INO80: variants seen among roughly 807,000 people sequenced by gnomAD.
The protein encoded by INO80 is INO80 complex ATPase subunit, also known as chromatin-remodeling ATPase INO80.
INO80 carries 20 observed loss-of-function variants against 203.4 expected under a neutral mutation model. The ratio of observed to expected loss-of-function variants is 0.10; its 90% CI spans 0.07 to 0.14. The LOEUF is 0.14. Among genes scored for constraint, INO80 ranks in the 10% least tolerant of loss-of-function variants. The pLI is 1.00. For missense variants in INO80, 1,419 were observed against 1,914.4 expected, an observed-to-expected ratio of 0.74 and a Z score of 4.83; for synonymous variants, 726 against 685.2, an observed-to-expected ratio of 1.06 and a Z score of -0.93.
intron 7 of INO80, among the ~76,000 whole-genome samples, chr15:41,083,998 G>A (rs768865574): frequency 3.9e-5 from 6 of 151,938 alleles, no homozygotes; most frequent in Non-Finnish European, 8.8e-5. Flanking sequence ...CCTACATTCT[G>A]ACTTCATCAC....
intron 24 of INO80, among the ~76,000 whole-genome samples, chr15:41,042,015 A>ATTT (rs59485772): frequency 1.5e-5 from 2 of 133,934 alleles, no homozygotes; most frequent in African/African-American, 2.8e-5. Flanking sequence ...TTAATTTTTA[A>ATTT]TTTTTTTTTT....
At chr15:40,982,758 A>C in intron 35 of INO80, 104 bp downstream of exon 35, 1 of 934,136 alleles carries the variant, frequency 1.1e-6, no homozygotes, top group Non-Finnish European at 1.6e-6. Flanking sequence ...CTCTAGGAAG[A>C]AAGCTCCCGG....
chr15:40,982,052 T>G (rs1013077908), intron 35 of INO80, among the ~76,000 whole-genome samples: 2 of 152,224 alleles, frequency 1.3e-5, no homozygotes, highest in African/African-American at 2.4e-5. Flanking sequence ...TCCCCTGTAT[T>G]TTGCCGTGGA....
intron 1 of INO80, among the ~76,000 whole-genome samples, chr15:41,106,699 T>G (rs1715324707): frequency 6.6e-6 from 1 of 152,220 alleles, no homozygotes; most frequent in South Asian, 2.1e-4. Context: ...AACTCTCAGC[T>G]GACAATGAAT....
intron 35 of INO80, 60 bp from the exon 36 acceptor site, chr15:40,980,500 C>T: frequency 1.5e-6 from 2 of 1,333,006 alleles, no homozygotes; most frequent in Non-Finnish European, 2.1e-6. Flanking sequence ...TTCCTTGGAG[C>T]CTGTGGCCTT....
chr15:41,006,018 T>C (rs2044035956), intron 27 of INO80, among the ~76,000 whole-genome samples: 1 of 149,210 alleles, frequency 6.7e-6, no homozygotes, highest in African/African-American at 2.5e-5. Context: ...ATCAACCAGA[T>C]ATCTTTCACA....
chr15:41,070,776 A>T (rs2045297242), intron 12 of INO80, among the ~76,000 whole-genome samples: 1 of 152,246 alleles, frequency 6.6e-6, no homozygotes, highest in South Asian at 2.1e-4. Context: ...GTTAGCTAAT[A>T]CAACCCAGAC....
chr15:41,055,272 G>A lies in INO80; in HGVS notation c.2163C>T (p.Ala721=), dbSNP rs753920827. 8.7e-6 allele frequency: 14 copies of A among 1,610,978 alleles called. No individual in the cohort carries two copies. The highest frequency in any genetic ancestry group is 3.3e-4 in the Middle Eastern group (2 of 6,044). The change falls in exon 18 of 36, where the codon GCC becomes GCT. Residue 721 remains alanine (A), a synonymous_variant. Transcript: ENST00000648947. ...EWFSKDIESH[A]ENKSAIDENQ... ...TCTCATCAATAGCAGATTTGTTTTC[G>A]GCATGGCTCTCAATGTCCTTGGAAA...
At chr15:41,073,343 A>T in intron 11 of INO80, 85 bp downstream of exon 11, 1 of 1,112,482 alleles carries the variant, frequency 9.0e-7, no homozygotes, top group Non-Finnish European at 1.4e-6. Context: ...AAATGTGATT[A>T]AGACTAAAGG....
At chr15:41,072,991 G>A (rs1055503086) in intron 11 of INO80, among the ~76,000 whole-genome samples, 4 of 151,868 alleles carry the variant, frequency 2.6e-5, no homozygotes, top group Non-Finnish European at 5.9e-5. Context: ...GTGTTAGCCT[G>A]GATGGTCTCG....
At chr15:41,100,096 T>C (rs868105676) in intron 1 of INO80, among the ~76,000 whole-genome samples, 1 of 152,178 alleles carries the variant, frequency 6.6e-6, no homozygotes, top group African/African-American at 2.4e-5. Context: ...TCTTTTTTTT[T>C]TGAGACAAAG....
intron 32 of INO80, among the ~76,000 whole-genome samples, 160 bp downstream of exon 32, chr15:40,985,178 C>T (rs906724339): frequency 6.6e-6 from 1 of 152,164 alleles, no homozygotes; most frequent in Admixed American, 6.5e-5. Flanking sequence ...CACATTTCTC[C>T]TGAGCAAAGC....
chr15:41,092,864 T>G (rs2045665353), intron 4 of INO80, among the ~76,000 whole-genome samples: 1 of 151,992 alleles, frequency 6.6e-6, no homozygotes, highest in African/African-American at 2.4e-5. Context: ...CGAGACTAGC[T>G]TGGGCAACCT....
chr15:41,015,977 A>T, intron 27 of INO80, 111 bp downstream of exon 27: 1 of 851,162 alleles, frequency 1.2e-6, no homozygotes, highest in Non-Finnish European at 1.8e-6. Context: ...GAAAAAAGAC[A>T]AAAGGGAGTT....
chr15:40,983,124 A>C (rs2140406716), intron 34 of INO80, 47 bp from the exon 35 acceptor site: 2 of 1,465,096 alleles, frequency 1.4e-6, no homozygotes, highest in Middle Eastern at 1.8e-4. Context: ...AAAAAAAGTC[A>C]ATCTCCAAGA....
At chr15:41,090,640 G>A (rs1486240884) in intron 5 of INO80, among the ~76,000 whole-genome samples, 1 of 152,044 alleles carries the variant, frequency 6.6e-6, no homozygotes. Context: ...AAAGAATGAG[G>A]GGCAACAGCT....
intron 24 of INO80, among the ~76,000 whole-genome samples, chr15:41,028,616 C>T (rs574461651): frequency 2.0e-5 from 3 of 152,100 alleles, no homozygotes; most frequent in African/African-American, 7.2e-5. Flanking sequence ...TATTTTAGGC[C>T]GGGATCACCT....
chr15:41,076,881 G>C (rs984607699), intron 9 of INO80, among the ~76,000 whole-genome samples: 5 of 151,990 alleles, frequency 3.3e-5, no homozygotes, highest in Non-Finnish European at 7.4e-5. Context: ...CACAGTATAA[G>C]TAGCATATTA....
chr15:40,994,942 G>A (rs1158484081), intron 29 of INO80, among the ~76,000 whole-genome samples: 4 of 151,988 alleles, frequency 2.6e-5, no homozygotes, highest in Admixed American at 1.3e-4. Flanking sequence ...TGCAACCTCC[G>A]CCTCCTGGGT....
Sources: gnomAD v4.1 joint callset for allele counts (sites outside exome capture counted in the v4.1 genomes callset) on GRCh38, gnomAD v4.1.1 for gene constraint, MANE v1.5 for transcripts, NCBI Gene and HGNC (gene_info 2026-07-23, HGNC 2026-07-21) for gene names.